The following CCDC148 variants were observed in gnomAD, a reference collection of about 807,000 sequenced individuals.
CCDC148 encodes the protein coiled-coil domain-containing protein 148.
In CCDC148, 89 loss-of-function variants were observed where a neutral mutation model predicts 85.7. The ratio of observed to expected loss-of-function variants is 1.04; its 90% confidence interval spans 0.87 to 1.24. The LOEUF is 1.24. Ranked by LOEUF, CCDC148 falls within the 50% of genes most tolerant of loss-of-function variation. CCDC148 has a pLI of 0.00. For synonymous variants in CCDC148, 230 were observed against 213.9 expected (o/e 1.08, Z -0.66); for missense variants, 692 against 671.7 (o/e 1.03, Z -0.33).
intron 2 of CCDC148, among the ~76,000 whole-genome samples, chr2:158,354,971 C>T (rs1683546105): frequency 2.0e-5 from 3 of 152,202 alleles, no homozygotes; most frequent in East Asian, 1.9e-4. Context: ...GAGCCAAAGA[C>T]AAAAACCACA....
At chr2:158,412,214 G>C (rs1474209948) in intron 1 of CCDC148, among the ~76,000 whole-genome samples, 2 of 152,144 alleles carry the variant, frequency 1.3e-5, no homozygotes, top group African/African-American at 4.8e-5. Context: ...CTAGGTGATG[G>C]GATAACACAG....
chr2:158,419,686 A>G (rs1318801513), intron 1 of CCDC148, among the ~76,000 whole-genome samples: 1 of 152,172 alleles, frequency 6.6e-6, no homozygotes, highest in Non-Finnish European at 1.5e-5. Flanking sequence ...AGAAAAATAC[A>G]TTGACTACTT....
chr2:158,202,645 G>A (rs965347159), intron 11 of CCDC148, among the ~76,000 whole-genome samples: 1 of 152,306 alleles, frequency 6.6e-6, no homozygotes, highest in African/African-American at 2.4e-5. Flanking sequence ...GCACACGAAA[G>A]CAGCCAGAGA....
intron 7 of CCDC148, among the ~76,000 whole-genome samples, chr2:158,323,068 C>T (rs901839348): frequency 1.3e-5 from 2 of 152,264 alleles, no homozygotes; most frequent in African/African-American, 4.8e-5. Flanking sequence ...AACTTGTCTT[C>T]ATGTTACTGA....
intron 10 of CCDC148, among the ~76,000 whole-genome samples, chr2:158,247,532 T>C (rs1339017828): frequency 6.6e-6 from 1 of 152,072 alleles, no homozygotes; most frequent in Non-Finnish European, 1.5e-5. Flanking sequence ...AATGGATAAA[T>C]GCTAGCTCAC....
chr2:158,302,966 C>A (rs1444463687), intron 9 of CCDC148, among the ~76,000 whole-genome samples: 2 of 152,066 alleles, frequency 1.3e-5, no homozygotes, highest in Non-Finnish European at 2.9e-5. Context: ...TGCTTCCTCC[C>A]TTTACTCTCA....
intron 1 of CCDC148, among the ~76,000 whole-genome samples, chr2:158,413,734 A>T (rs772071587): frequency 1.1e-4 from 17 of 152,104 alleles, no homozygotes; most frequent in Non-Finnish European, 1.9e-4. Context: ...GTTGTGTAGC[A>T]TGAGAGTTGT....
At chr2:158,366,594 C>G (rs926502986) in intron 1 of CCDC148, among the ~76,000 whole-genome samples, 12 of 152,136 alleles carry the variant, frequency 7.9e-5, no homozygotes, top group African/African-American at 2.4e-4. Context: ...AAGGCATATG[C>G]TTTCCGGGGC....
chr2:158,402,747 G>A (rs1292432613), intron 1 of CCDC148, among the ~76,000 whole-genome samples: 1 of 152,056 alleles, frequency 6.6e-6, no homozygotes. Flanking sequence ...TTCTCTGCCA[G>A]GATTTGGAAC....
chr2:158,245,270 G>A (rs1223022731), intron 10 of CCDC148, among the ~76,000 whole-genome samples: 1 of 152,152 alleles, frequency 6.6e-6, no homozygotes, highest in African/African-American at 2.4e-5. Context: ...GATCCCCTGA[G>A]GGGGTGGGGG....
At chr2:158,185,769 T>C (rs1399123349) in intron 11 of CCDC148, among the ~76,000 whole-genome samples, 1 of 152,154 alleles carries the variant, frequency 6.6e-6, no homozygotes, top group Non-Finnish European at 1.5e-5. Flanking sequence ...CCTGACCTTC[T>C]GTAATCCTTT....
intron 1 of CCDC148, among the ~76,000 whole-genome samples, chr2:158,397,449 C>A (rs1321624933): frequency 1.3e-5 from 2 of 152,072 alleles, no homozygotes; most frequent in Non-Finnish European, 2.9e-5. Context: ...ACCCTACAAG[C>A]CAGAAGAGAG....
At chr2:158,282,121 C>T (rs931174793) in intron 9 of CCDC148, among the ~76,000 whole-genome samples, 65 of 151,392 alleles carry the variant, frequency 4.3e-4, no homozygotes, top group Admixed American at 4.0e-4. Flanking sequence ...ATTGATGGGA[C>T]GTATTTCAAA....
chr2:158,429,353 G>A (rs915693853), intron 1 of CCDC148, among the ~76,000 whole-genome samples: 1 of 141,214 alleles, frequency 7.1e-6, no homozygotes, highest in Non-Finnish European at 1.5e-5. Context: ...TTCCTAGAAA[G>A]AGCATGAATA....
chr2:158,284,885 A>C (rs1690541986), intron 9 of CCDC148, among the ~76,000 whole-genome samples: 2 of 152,252 alleles, frequency 1.3e-5, no homozygotes, highest in South Asian at 4.1e-4. Context: ...TGGAGATGAA[A>C]GCTGAGCTTA....
chr2:158,268,073 G>C (rs892874128), intron 9 of CCDC148, among the ~76,000 whole-genome samples: 4 of 152,190 alleles, frequency 2.6e-5, no homozygotes, highest in Non-Finnish European at 4.4e-5. Flanking sequence ...TGCAGGTTTT[G>C]TGTGAACATA....
At chr2:158,445,961 T>C (rs1688139912) in intron 1 of CCDC148, among the ~76,000 whole-genome samples, 1 of 152,088 alleles carries the variant, frequency 6.6e-6, no homozygotes. Flanking sequence ...CCCCCATACT[T>C]GGCTTTAATG....
intron 1 of CCDC148, chr2:158,425,111 C>T (rs968131005): frequency 5.8e-5 from 28 of 481,202 alleles, no homozygotes; most frequent in Admixed American, 5.1e-4. Flanking sequence ...ACTATGATCG[C>T]GGATATGGGA....
intron 11 of CCDC148, among the ~76,000 whole-genome samples, chr2:158,219,998 C>T (rs770298111): frequency 6.6e-6 from 1 of 151,998 alleles, no homozygotes; most frequent in Non-Finnish European, 1.5e-5. Flanking sequence ...TTTTTGTCTC[C>T]TAATTGACCC....
Sources: gnomAD v4.1 joint callset for allele counts (sites outside exome capture counted in the v4.1 genomes callset) on GRCh38, gnomAD v4.1.1 for gene constraint, MANE v1.5 for transcripts, NCBI Gene and HGNC (gene_info 2026-07-23, HGNC 2026-07-21) for gene names.